COPA: variants seen among roughly 807,000 people sequenced by gnomAD.
COPA encodes the protein coatomer subunit alpha.
COPA carries 10 observed loss-of-function variants against 158.7 expected under a neutral mutation model. The ratio of observed to expected loss-of-function variants is 0.06; its 90% CI spans 0.04 to 0.11. The LOEUF is 0.11. Among genes scored for constraint, COPA ranks in the 10% least tolerant of loss-of-function variants. The probability of loss-of-function intolerance (pLI) is 1.00; values close to 1 mark genes in which losing one functional copy is unlikely to be tolerated. For missense variants in COPA, 1,065 were observed against 1,536.7 expected (o/e 0.69, Z 5.13); for synonymous variants, 462 against 542.8 (o/e 0.85, Z 2.07).
intron 3 of COPA, 39 bp downstream of exon 3, chr1:160,339,870 C>A (rs1307671240): frequency 2.1e-5 from 33 of 1,573,412 alleles, no homozygotes; most frequent in Non-Finnish European, 2.8e-5. Context: ...TTCCCACATC[C>A]TCTTTCCTTT....
At chr1:160,302,477 C>T (rs1658642602) in intron 17 of COPA, among the ~76,000 whole-genome samples, 4 of 151,546 alleles carry the variant, frequency 2.6e-5, no homozygotes, top group Admixed American at 2.6e-4. Flanking sequence ...AGTTATCCCC[C>T]AACTGATGTA....
intron 8 of COPA, chr1:160,317,590 T>C (rs1287097897): frequency 5.7e-6 from 9 of 1,585,102 alleles, no homozygotes; most frequent in Non-Finnish European, 7.8e-6. Context: ...TTCATTCAGG[T>C]TTCTCTTTGA....
intron 30 of COPA, 139 bp from the exon 31 acceptor site, chr1:160,291,635 A>G: frequency 8.7e-7 from 1 of 1,150,648 alleles, no homozygotes; most frequent in Non-Finnish European, 1.2e-6. Flanking sequence ...TCTACCTCCT[A>G]GGTATGGAGG....
intron 1 of COPA, among the ~76,000 whole-genome samples, chr1:160,341,895 C>T (rs1380285713): frequency 6.6e-6 from 1 of 152,000 alleles, no homozygotes. Context: ...GTTTTTCCTT[C>T]TGTACTGCCC....
chr1:160,338,808 T>C (rs1647902997), intron 3 of COPA, among the ~76,000 whole-genome samples: 1 of 152,196 alleles, frequency 6.6e-6, no homozygotes, highest in Non-Finnish European at 1.5e-5. Context: ...CCATACTAAC[T>C]CTACTTCCTC....
chr1:160,328,804 C>T (rs893725337), intron 6 of COPA, among the ~76,000 whole-genome samples: 1 of 152,114 alleles, frequency 6.6e-6, no homozygotes, highest in Non-Finnish European at 1.5e-5. Context: ...GCCAGGGTAA[C>T]ACAAAAGATT....
chr1:160,308,929 C>A, intron 13 of COPA, 172 bp downstream of exon 13: 1 of 558,972 alleles, frequency 1.8e-6, no homozygotes, highest in Non-Finnish European at 3.3e-6. Context: ...GGAGGAGGAA[C>A]ATGAATATTT....
chr1:160,293,496 ATTT>A (rs368176604), intron 25 of COPA, 33 bp from the exon 26 acceptor site: 1,159 of 1,322,786 alleles, frequency 8.8e-4, no homozygotes, highest in East Asian at 1.3e-3. Context: ...GTATTGAGTA[ATTT>A]TTTTTTTTTT....
intron 4 of COPA, among the ~76,000 whole-genome samples, chr1:160,334,616 A>G (rs1359617734): frequency 6.6e-6 from 1 of 152,238 alleles, no homozygotes; most frequent in Non-Finnish European, 1.5e-5. Context: ...TTAATTAAAG[A>G]GACTTAATTT....
At chr1:160,293,018 G>A (rs1658290039) in intron 27 of COPA, 148 bp downstream of exon 27, 1 of 809,802 alleles carries the variant, frequency 1.2e-6, no homozygotes, top group South Asian at 1.7e-5. Context: ...AGGAAGGCAA[G>A]TGTACTTAAC....
chr1:160,313,155 C>G lies in COPA; in HGVS notation c.855G>C (p.Gln285His). The change falls in exon 10 of 33, where the codon CAG becomes CAC. Residue 285 changes from glutamine (Q) to histidine (H), a missense_variant. Gln to His is a conservative substitution (Grantham distance 24). Around this residue, in one of 2 missense-constraint regions of COPA, gnomAD observed 980 missense variants for 1,357.8 expected, o/e 0.72. Transcript: ENST00000241704. ...AACGATCATGGTCTCTGCGGAAAGT[C>G]TGAACCCCAGTCCTAGAAAAGGTAC... ...VWDMSKRTGVQTFRRDHDRFW... is the reference protein window; with the variant it reads ...VWDMSKRTGVHTFRRDHDRFW... The G allele has an allele frequency of 1.2e-6, 2 of 1,614,086 alleles. No individual in the cohort carries two copies. The highest frequency in any genetic ancestry group is 8.5e-7 in the Non-Finnish European group (1 of 1,179,990).
intron 8 of COPA, among the ~76,000 whole-genome samples, chr1:160,320,608 CAAAAAAA>C (rs56849348): frequency 6.5e-5 from 1 of 15,500 alleles, no homozygotes; most frequent in East Asian, 2.3e-3. Context: ...GACTCCAACT[CAAAAAAA>C]AAAAAAAAAA....
chr1:160,329,584 G>T (rs926390070), intron 6 of COPA, among the ~76,000 whole-genome samples: 2 of 151,900 alleles, frequency 1.3e-5, no homozygotes, highest in African/African-American at 4.8e-5. Flanking sequence ...TGCAAGGCTG[G>T]CATCAGGTGG....
chr1:160,294,436 C>T (rs762542139), intron 25 of COPA, 48 bp downstream of exon 25: 8 of 1,540,814 alleles, frequency 5.2e-6, no homozygotes, highest in Non-Finnish European at 7.2e-6. Context: ...CTCTGGCTTC[C>T]ACAGGGAGAT....
chr1:160,333,409 G>T, intron 5 of COPA, 194 bp downstream of exon 5: 2 of 453,700 alleles, frequency 4.4e-6, no homozygotes, highest in East Asian at 3.3e-5. Context: ...AGAAATTATT[G>T]GAAGTCCAGA....
intron 4 of COPA, among the ~76,000 whole-genome samples, chr1:160,334,294 C>T (rs990454818): frequency 1.3e-5 from 2 of 152,056 alleles, no homozygotes; most frequent in Non-Finnish European, 2.9e-5. Flanking sequence ...TCTCTACCTT[C>T]AGTATTTAGC....
chr1:160,335,653 G>A (rs1244204132), intron 3 of COPA, among the ~76,000 whole-genome samples: 2 of 151,928 alleles, frequency 1.3e-5, no homozygotes, highest in African/African-American at 2.4e-5. Context: ...GGAGGTCGAG[G>A]CGGGTGGATC....
At chr1:160,334,898 T>C (rs143691452) in intron 4 of COPA, among the ~76,000 whole-genome samples, 8 of 152,214 alleles carry the variant, frequency 5.3e-5, no homozygotes, top group East Asian at 1.9e-4. Flanking sequence ...TCTGACCTTC[T>C]TCCAGACACA....
chr1:160,326,401 C>T (rs1225546028), intron 6 of COPA, among the ~76,000 whole-genome samples: 1 of 152,180 alleles, frequency 6.6e-6, no homozygotes, highest in Non-Finnish European at 1.5e-5. Flanking sequence ...GTGGCGCGAG[C>T]CTGTAGTCCC....
Sources: gnomAD v4.1 joint callset for allele counts (sites outside exome capture counted in the v4.1 genomes callset) on GRCh38, gnomAD v4.1.1 for gene constraint, gnomAD v4.1.1 regional missense constraint, MANE v1.5 for transcripts, NCBI Gene and HGNC (gene_info 2026-07-23, HGNC 2026-07-21) for gene names.